Variants in COL28A1 observed in about 807,000 individuals in gnomAD.
The protein encoded by COL28A1 is collagen type XXVIII alpha 1 chain, also known as collagen alpha-1(XXVIII) chain.
In COL28A1, 161 loss-of-function variants were observed where a neutral mutation model predicts 150.2. The ratio of observed to expected loss-of-function variants is 1.07; its 90% confidence interval spans 0.94 to 1.22. The LOEUF (loss-of-function observed/expected upper bound fraction) is 1.22. Among genes scored for constraint, COL28A1 ranks in the 50% most tolerant of loss-of-function variants. The probability of loss-of-function intolerance (pLI) is 0.00; values close to 1 mark genes in which losing one functional copy is unlikely to be tolerated. For synonymous variants in COL28A1, 552 were observed against 469.7 expected, an observed-to-expected ratio of 1.18 and a Z score of -2.26; for missense variants, 1,617 against 1,388.3, an observed-to-expected ratio of 1.16 and a Z score of -2.62.
chr7:7,517,859 A>T (rs778678095), intron 6 of COL28A1, 22 bp from the exon 7 acceptor site: 4 of 1,613,598 alleles, frequency 2.5e-6, no homozygotes, highest in Non-Finnish European at 2.5e-6. Context: ...AAAAAACAGT[A>T]AAAATTCCAC....
chr7:7,510,504 C>G (rs2115142677), intron 9 of COL28A1, among the ~76,000 whole-genome samples: 1 of 152,320 alleles, frequency 6.6e-6, no homozygotes, highest in South Asian at 2.1e-4. Context: ...AGGCTGGTCT[C>G]AAACTCCTGA....
the COL28A1 span, among the ~76,000 whole-genome samples, chr7:7,341,321 ATTATG>A: frequency 1.3e-5 from 2 of 152,128 alleles, no homozygotes; most frequent in African/African-American, 4.8e-5. Context: ...ATTTCATTGA[ATTATG>A]TTATTTTCAA....
intron 14 of COL28A1, 81 bp downstream of exon 14, chr7:7,477,031 G>T: frequency 1.3e-6 from 1 of 790,054 alleles, no homozygotes; most frequent in Non-Finnish European, 2.2e-6. Context: ...TCTAAAAATT[G>T]GCTAGGACAC....
At chr7:7,494,130 C>T (rs150950381) in intron 11 of COL28A1, among the ~76,000 whole-genome samples, 14 of 152,192 alleles carry the variant, frequency 9.2e-5, no homozygotes, top group Admixed American at 3.3e-4. Flanking sequence ...TTAAGAACAC[C>T]CATACTATGG....
intron 3 of COL28A1, 22 bp downstream of exon 3, chr7:7,531,325 TA>T: frequency 1.0e-6 from 1 of 995,814 alleles, no homozygotes. Flanking sequence ...GATAACTGTA[TA>T]ATCAACCCAT....
In COL28A1 at chr7:7,380,820, T is replaced by C; in HGVS notation, c.2248A>G (p.Lys750Glu). Residue 750 changes from lysine (K) to glutamate (E), a missense_variant, in exon 29 of 35, where the codon AAA (lysine) becomes GAA (glutamate). Physicochemically the swap from Lys to Glu is moderately conservative, Grantham distance 56. Coordinates refer to ENST00000399429, the MANE Select transcript of COL28A1 (RefSeq NM_001037763.3). ...ERGDVGKKGD[K>E]GEIGEPGSPG... The stretch of plus-strand genomic sequence containing the variant: ...GATCCAGGCTCTCCAATTTCTCCTT[T>C]ATCACCTTTCTTTCCCACATCGCCC... 6.2e-7 allele frequency: 1 copy of C among 1,614,062 alleles called. No homozygotes were observed. The highest frequency in any genetic ancestry group is 1.1e-5 in the South Asian group (1 of 91,086).
chr7:7,366,875 G>A (rs1367843804), intron 33 of COL28A1, among the ~76,000 whole-genome samples: 1 of 152,228 alleles, frequency 6.6e-6, no homozygotes, highest in Non-Finnish European at 1.5e-5. Context: ...TATTTTAAAT[G>A]TTTGGATACT....
At chr7:7,393,750 T>G (rs939567087) in intron 27 of COL28A1, among the ~76,000 whole-genome samples, 1 of 152,078 alleles carries the variant, frequency 6.6e-6, no homozygotes, top group East Asian at 1.9e-4. Flanking sequence ...TTCTTTACAT[T>G]GTGAGGGGAA....
At chr7:7,376,397 A>G (rs1781543466) in intron 30 of COL28A1, among the ~76,000 whole-genome samples, 1 of 152,212 alleles carries the variant, frequency 6.6e-6, no homozygotes. Context: ...TTAAAAGTAG[A>G]ATATGTGGGG....
At chr7:7,518,508 T>C (rs1781538954) in intron 6 of COL28A1, among the ~76,000 whole-genome samples, 1 of 152,190 alleles carries the variant, frequency 6.6e-6, no homozygotes, top group Non-Finnish European at 1.5e-5. Flanking sequence ...CTCTAAAAAC[T>C]TTCTAATAGG....
chr7:7,444,686 T>C (rs1219360459), intron 18 of COL28A1, among the ~76,000 whole-genome samples, 197 bp from the exon 19 acceptor site: 1 of 152,136 alleles, frequency 6.6e-6, no homozygotes, highest in Non-Finnish European at 1.5e-5. Context: ...ATGGGCTGAA[T>C]TGTGACCCCA....
chr7:7,353,192 T>C (rs1780269854), downstream of COL28A1, among the ~76,000 whole-genome samples: 1 of 152,178 alleles, frequency 6.6e-6, no homozygotes, highest in Admixed American at 6.5e-5. Flanking sequence ...CCAAGTCTAG[T>C]TCCTAAACTG....
chr7:7,360,851 A>G (rs1263670245), intron 33 of COL28A1, among the ~76,000 whole-genome samples: 1 of 152,216 alleles, frequency 6.6e-6, no homozygotes, highest in African/African-American at 2.4e-5. Flanking sequence ...GATGTGAAAG[A>G]TGCAAAGTTG....
chr7:7,519,350 G>A (rs1378930110), intron 6 of COL28A1, among the ~76,000 whole-genome samples: 1 of 152,210 alleles, frequency 6.6e-6, no homozygotes, highest in African/African-American at 2.4e-5. Flanking sequence ...CCACATGTGG[G>A]AATCATGGGA....
chr7:7,339,267 C>T, the COL28A1 span, among the ~76,000 whole-genome samples: 39 of 152,224 alleles, frequency 2.6e-4, no homozygotes, highest in Non-Finnish European at 5.1e-4. Flanking sequence ...TAACATACTA[C>T]TCTTGGTCTC....
upstream of COL28A1, among the ~76,000 whole-genome samples, chr7:7,539,604 A>G (rs1429681487): frequency 6.6e-6 from 1 of 152,180 alleles, no homozygotes; most frequent in Non-Finnish European, 1.5e-5. Context: ...GAAAGATTAA[A>G]AGCATTCAAA....
chr7:7,503,266 TTTGTGCC>T (rs538373781), intron 11 of COL28A1, among the ~76,000 whole-genome samples: 265 of 152,348 alleles, frequency 1.7e-3, no homozygotes, highest in African/African-American at 6.1e-3. Context: ...GCTTAAACTC[TTTGTGCC>T]TTAGTAGACT....
chr7:7,341,571 T>C, the COL28A1 span, among the ~76,000 whole-genome samples: 1 of 152,022 alleles, frequency 6.6e-6, no homozygotes, highest in African/African-American at 2.4e-5. Flanking sequence ...CCACCACACC[T>C]GACTTCTTAT....
intron 11 of COL28A1, among the ~76,000 whole-genome samples, chr7:7,502,254 T>TC (rs1463067309): frequency 1.3e-5 from 2 of 152,178 alleles, no homozygotes; most frequent in Non-Finnish European, 2.9e-5. Context: ...GAGGATGAGG[T>TC]GGACTCTGAG....
Sources: allele counts gnomAD v4.1 joint callset (sites outside exome capture counted in the v4.1 genomes callset), GRCh38; gene constraint gnomAD v4.1.1; transcripts MANE v1.5; gene names NCBI Gene and HGNC (gene_info 2026-07-23, HGNC 2026-07-21).